FAM107B: variants seen among roughly 807,000 people sequenced by gnomAD.
FAM107B encodes the protein protein FAM107B.
A neutral mutation model predicts 31.5 loss-of-function variants in FAM107B; 21 were observed. The observed-to-expected ratio is 0.67, with a 90% CI of 0.47 to 0.96. FAM107B has a LOEUF of 0.96. Ranked by LOEUF, FAM107B falls within the 40% of genes least tolerant of loss-of-function variation. The pLI, the probability that FAM107B is intolerant of heterozygous loss-of-function variation, is 0.00. For synonymous variants in FAM107B, 157 were observed against 141.5 expected, an observed-to-expected ratio of 1.11 and a Z score of -0.78; for missense variants, 452 against 377.1, an observed-to-expected ratio of 1.20 and a Z score of -1.64.
intron 2 of FAM107B, among the ~76,000 whole-genome samples, chr10:14,557,534 A>C (rs1427465855): frequency 6.6e-6 from 1 of 152,148 alleles, no homozygotes; most frequent in East Asian, 2.0e-4. Context: ...TAATGTCTTG[A>C]TTAAAATGGG....
Position 14,530,371 on chromosome 10 carries a change from T to C in FAM107B, c.614A>G (p.His205Arg), listed in dbSNP as rs1846829022. The change falls in exon 3 of 5, where the codon CAT (histidine) becomes CGT (arginine). Residue 205 changes from histidine to arginine, a missense_variant. Transcript: ENST00000181796. ...AAGAAGTTCTCTGTGAAGATCTTGATGGTTCCGGGAGGTTTTTACAGGATT... is the reference window on the plus strand; with the variant it reads ...AAGAAGTTCTCTGTGAAGATCTTGACGGTTCCGGGAGGTTTTTACAGGATT... ...LINPVKTSRN[H>R]QDLHRELLMN... 2.5e-5 allele frequency: 40 copies of C among 1,614,050 alleles called. No homozygotes were observed. The highest frequency in any genetic ancestry group is 3.4e-5 in the Non-Finnish European group (40 of 1,179,996).
intron 1 of FAM107B, among the ~76,000 whole-genome samples, chr10:14,676,215 C>A (rs940429070): frequency 1.3e-5 from 2 of 152,096 alleles, no homozygotes; most frequent in African/African-American, 2.4e-5. Flanking sequence ...TCTAATTACA[C>A]ATTTTGATGG....
intron 1 of FAM107B, among the ~76,000 whole-genome samples, chr10:14,671,243 C>A (rs1355261304): frequency 1.3e-5 from 2 of 152,134 alleles, no homozygotes; most frequent in Non-Finnish European, 2.9e-5. Context: ...CAGGACTGTT[C>A]CTTAGTTCAG....
chr10:14,606,059 T>C (rs1852581627), intron 2 of FAM107B, among the ~76,000 whole-genome samples: 1 of 152,092 alleles, frequency 6.6e-6, no homozygotes, highest in African/African-American at 2.4e-5. Flanking sequence ...AGTTTCCTCC[T>C]CTGCTTGAAA....
chr10:14,564,123 T>C (rs1850465084), intron 2 of FAM107B, among the ~76,000 whole-genome samples: 1 of 152,184 alleles, frequency 6.6e-6, no homozygotes. Flanking sequence ...CAAAAAAAAG[T>C]TCTTTAAGAT....
At chr10:14,759,904 G>A (rs754295638) in intron 1 of FAM107B, among the ~76,000 whole-genome samples, 1 of 152,010 alleles carries the variant, frequency 6.6e-6, no homozygotes, top group Non-Finnish European at 1.5e-5. Flanking sequence ...TAGAGCCAGG[G>A]TTCCACCATG....
At chr10:14,739,713 C>T (rs1354263919) in intron 1 of FAM107B, among the ~76,000 whole-genome samples, 3 of 152,208 alleles carry the variant, frequency 2.0e-5, no homozygotes, top group African/African-American at 7.2e-5. Flanking sequence ...AATTCAAGTT[C>T]TACAACTTGT....
chr10:14,636,586 G>C, intron 2 of FAM107B, among the ~76,000 whole-genome samples: 1 of 151,940 alleles, frequency 6.6e-6, no homozygotes, highest in Admixed American at 6.6e-5. Flanking sequence ...TTGGATTATG[G>C]CCCACTCTAA....
At chr10:14,583,665 C>T (rs1289747051) in intron 2 of FAM107B, among the ~76,000 whole-genome samples, 3 of 152,120 alleles carry the variant, frequency 2.0e-5, no homozygotes, top group African/African-American at 7.2e-5. Flanking sequence ...GAGGCTGGGC[C>T]TAACTAATCT....
At chr10:14,550,522 A>G (rs1849157373) in intron 2 of FAM107B, among the ~76,000 whole-genome samples, 1 of 152,214 alleles carries the variant, frequency 6.6e-6, no homozygotes. Context: ...CCATCGAGGG[A>G]TTTAAATCCT....
chr10:14,572,739 T>TTTATATATATATATATA (rs1325278545), intron 2 of FAM107B, among the ~76,000 whole-genome samples: 7 of 91,984 alleles, frequency 7.6e-5, no homozygotes, highest in East Asian at 6.7e-4. Flanking sequence ...AAAAAAAAAT[T>TTTATATATATATATATA]TATATATATA....
chr10:14,684,215 G>T (rs1285718289), intron 1 of FAM107B, among the ~76,000 whole-genome samples: 2 of 152,202 alleles, frequency 1.3e-5, no homozygotes, highest in African/African-American at 4.8e-5. Context: ...CACTTTAGGA[G>T]GCCGAGGCAG....
intron 1 of FAM107B, among the ~76,000 whole-genome samples, chr10:14,743,599 A>G (rs1832666548): frequency 6.6e-6 from 1 of 152,218 alleles, no homozygotes; most frequent in African/African-American, 2.4e-5. Flanking sequence ...AGCACCATTT[A>G]TTAAATAGGA....
intron 2 of FAM107B, among the ~76,000 whole-genome samples, chr10:14,572,578 G>C (rs1851299299): frequency 6.6e-6 from 1 of 151,660 alleles, no homozygotes; most frequent in Non-Finnish European, 1.5e-5. Flanking sequence ...CATGGCGGAA[G>C]ACAGGTGCGG....
intron 2 of FAM107B, among the ~76,000 whole-genome samples, chr10:14,566,660 C>T (rs1220336375): frequency 6.6e-6 from 1 of 152,190 alleles, no homozygotes. Flanking sequence ...CAATCATTTG[C>T]TGTGTAGCAG....
At chr10:14,722,408 T>C (rs970944274) in intron 1 of FAM107B, among the ~76,000 whole-genome samples, 2 of 152,256 alleles carry the variant, frequency 1.3e-5, no homozygotes, top group Non-Finnish European at 2.9e-5. Context: ...TTCCATTGTA[T>C]AGATATATTC....
rs146524497 is a variant in FAM107B, at chr10:14,521,893, T to C, written c.780A>G (p.Leu260=). 1 of 1,614,106 alleles carries C rather than the reference T, an allele frequency of 6.2e-7. No homozygotes were observed. The highest frequency in any genetic ancestry group is 1.1e-5 in the South Asian group (1 of 91,058). The change falls in exon 4 of 5, where the codon TTA becomes TTG. Residue 260 remains leucine (L), a synonymous_variant. Transcript: ENST00000181796. The part of the protein sequence containing the change: ...KKKSDLEIEL[L]KRQQKLEQLE... ...CCTGCTCCAACTTCTGCTGCCGTTT[T>C]AATAGCTCTATTTCCAAGTCAGATT...
intron 2 of FAM107B, chr10:14,661,453 G>A (rs999565035): frequency 6.6e-6 from 1 of 152,198 alleles, no homozygotes; most frequent in Non-Finnish European, 1.5e-5. Context: ...AAGGGGAAAG[G>A]GGGAGGAATT....
chr10:14,734,321 A>G (rs1272933580), intron 1 of FAM107B, among the ~76,000 whole-genome samples: 1 of 152,062 alleles, frequency 6.6e-6, no homozygotes, highest in Non-Finnish European at 1.5e-5. Flanking sequence ...GCCCAATTAT[A>G]TTGCCCTTAC....
Sources: gnomAD v4.1 joint callset for allele counts (sites outside exome capture counted in the v4.1 genomes callset) on GRCh38, gnomAD v4.1.1 for gene constraint, MANE v1.5 for transcripts, NCBI Gene and HGNC (gene_info 2026-07-23, HGNC 2026-07-21) for gene names.